SGCZ: variants seen among roughly 807,000 people sequenced by gnomAD.
SGCZ encodes the protein zeta-sarcoglycan.
Under a neutral mutation model 41.3 loss-of-function variants are expected in SGCZ, and 40 were observed. That is an observed-to-expected ratio of 0.97 (90% confidence interval 0.75 to 1.26). The LOEUF is 1.26. SGCZ is among the 50% of genes most tolerant of loss of function. The pLI is 0.00. For missense variants in SGCZ, 552 were observed against 369.8 expected (o/e 1.49, Z -4.04); for synonymous variants, 206 against 137.5 (o/e 1.50, Z -3.49).
chr8:14,844,571 T>A (rs957091753), intron 1 of SGCZ, among the ~76,000 whole-genome samples: 25 of 152,134 alleles, frequency 1.6e-4, no homozygotes, highest in Admixed American at 2.6e-4. Context: ...CTCATCCAGC[T>A]GACATGAAAC....
intron 2 of SGCZ, among the ~76,000 whole-genome samples, chr8:14,429,372 AGGC>A (rs937474703): frequency 2.6e-5 from 4 of 152,180 alleles, no homozygotes; most frequent in African/African-American, 9.7e-5. Flanking sequence ...AGAATGTTCC[AGGC>A]AATAGCTAGG....
intron 2 of SGCZ, among the ~76,000 whole-genome samples, chr8:14,553,379 G>A (rs861141): frequency 0.23 from 34,845 of 151,894 alleles, 4,167 homozygotes; most frequent in South Asian, 0.38. Context: ...CTTGATCCCT[G>A]ACCTGGGACG....
At chr8:15,171,914 C>G (rs60021425) in intron 1 of SGCZ, among the ~76,000 whole-genome samples, 1 of 152,128 alleles carries the variant, frequency 6.6e-6, no homozygotes, top group Non-Finnish European at 1.5e-5. Context: ...TCAGAGGTCA[C>G]TGACAGCCAA....
At chr8:15,032,302 T>A (rs1391748133) in intron 1 of SGCZ, among the ~76,000 whole-genome samples, 1 of 151,634 alleles carries the variant, frequency 6.6e-6, no homozygotes, top group Non-Finnish European at 1.5e-5. Context: ...AAAAAGAAAT[T>A]AAAAAAAGAC....
intron 1 of SGCZ, among the ~76,000 whole-genome samples, chr8:14,584,175 A>G (rs1384466968): frequency 6.6e-6 from 1 of 152,154 alleles, no homozygotes; most frequent in Non-Finnish European, 1.5e-5. Flanking sequence ...AATAACTACT[A>G]GGTGTTAGAC....
chr8:14,228,570 G>T (rs1258291063), intron 4 of SGCZ, among the ~76,000 whole-genome samples: 1 of 151,902 alleles, frequency 6.6e-6, no homozygotes, highest in East Asian at 1.9e-4. Flanking sequence ...GCAGTATTGT[G>T]CACTTAAGAA....
chr8:15,018,646 G>T (rs558095364), intron 1 of SGCZ, among the ~76,000 whole-genome samples: 1 of 152,120 alleles, frequency 6.6e-6, no homozygotes, highest in African/African-American at 2.4e-5. Flanking sequence ...GAGGGGAGAA[G>T]GTAAGTGATG....
At chr8:14,761,933 A>G (rs1025867275) in intron 1 of SGCZ, among the ~76,000 whole-genome samples, 2 of 152,146 alleles carry the variant, frequency 1.3e-5, no homozygotes, top group African/African-American at 4.8e-5. Context: ...CCAAGTGCGT[A>G]GAGTCAGAAC....
At chr8:14,213,771 TA>T (rs1198911751) in intron 4 of SGCZ, among the ~76,000 whole-genome samples, 1 of 152,148 alleles carries the variant, frequency 6.6e-6, no homozygotes, top group East Asian at 1.9e-4. Flanking sequence ...TGAAGATATT[TA>T]AATATTTAAG....
At chr8:14,654,330 G>C (rs1807493044) in intron 1 of SGCZ, among the ~76,000 whole-genome samples, 1 of 151,910 alleles carries the variant, frequency 6.6e-6, no homozygotes, top group African/African-American at 2.4e-5. Context: ...ATGCTACCTT[G>C]AGCAATTTCA....
intron 2 of SGCZ, among the ~76,000 whole-genome samples, chr8:14,535,576 A>G (rs968837317): frequency 6.6e-6 from 1 of 151,950 alleles, no homozygotes; most frequent in Non-Finnish European, 1.5e-5. Context: ...TCCTATTATC[A>G]TTAAACTTCT....
At chr8:14,143,039 C>T (rs896842570) in intron 5 of SGCZ, among the ~76,000 whole-genome samples, 4 of 149,534 alleles carry the variant, frequency 2.7e-5, no homozygotes, top group African/African-American at 9.8e-5. Flanking sequence ...GCCCCTGTGT[C>T]AATAGGCTAA....
intron 1 of SGCZ, among the ~76,000 whole-genome samples, chr8:14,874,220 A>G (rs1283958418): frequency 6.6e-6 from 1 of 152,106 alleles, no homozygotes; most frequent in Non-Finnish European, 1.5e-5. Context: ...ATATTCATGC[A>G]TTTCAATATT....
chr8:14,618,907 G>C (rs1288955198), intron 1 of SGCZ, among the ~76,000 whole-genome samples: 1 of 152,092 alleles, frequency 6.6e-6, no homozygotes, highest in Non-Finnish European at 1.5e-5. Flanking sequence ...AGTAAGGAGA[G>C]GTGGAAAAGC....
chr8:14,092,565 C>T (rs1337556799), intron 7 of SGCZ, among the ~76,000 whole-genome samples: 8 of 151,920 alleles, frequency 5.3e-5, no homozygotes, highest in Non-Finnish European at 1.0e-4. Flanking sequence ...GGGAGGGACC[C>T]AGTGGGAGAT....
intron 2 of SGCZ, among the ~76,000 whole-genome samples, chr8:14,436,317 C>T (rs1304268670): frequency 6.6e-6 from 1 of 152,094 alleles, no homozygotes; most frequent in East Asian, 1.9e-4. Flanking sequence ...TAATATTCAG[C>T]GCATATTAAA....
intron 7 of SGCZ, among the ~76,000 whole-genome samples, chr8:14,101,211 G>C (rs7007582): frequency 0.63 from 95,825 of 151,946 alleles, 31,837 homozygotes; most frequent in African/African-American, 0.83. Context: ...AGATTAGATA[G>C]TGGGGAGAAC....
intron 1 of SGCZ, among the ~76,000 whole-genome samples, chr8:14,836,881 A>G (rs1046806608): frequency 6.6e-6 from 1 of 152,204 alleles, no homozygotes; most frequent in Non-Finnish European, 1.5e-5. Context: ...ACTTTCATGG[A>G]AAACAATATT....
At chr8:14,396,454 T>A (rs1043185714) in intron 2 of SGCZ, among the ~76,000 whole-genome samples, 3 of 152,110 alleles carry the variant, frequency 2.0e-5, no homozygotes, top group Non-Finnish European at 4.4e-5. Context: ...CACTTAGGCG[T>A]GAAGGATTTT....
Sources: gnomAD v4.1 joint callset for allele counts (sites outside exome capture counted in the v4.1 genomes callset) on GRCh38, gnomAD v4.1.1 for gene constraint, MANE v1.5 for transcripts, NCBI Gene and HGNC (gene_info 2026-07-23, HGNC 2026-07-21) for gene names.